The following LGSN variants were observed in gnomAD, a reference collection of about 807,000 sequenced individuals.
LGSN encodes the protein lengsin, lens protein with glutamine synthetase domain, also known as lengsin.
In LGSN, 21 loss-of-function variants were observed where a neutral mutation model predicts 19.5. The ratio of observed to expected loss-of-function variants is 1.07; its 90% CI spans 0.76 to 1.55. The LOEUF is 1.55. Among genes scored for constraint, LGSN ranks in the 40% most tolerant of loss-of-function variants. The probability of loss-of-function intolerance (pLI) is 0.00; values close to 1 mark genes in which losing one functional copy is unlikely to be tolerated. For missense variants in LGSN, 673 were observed against 608.5 expected (o/e 1.11, Z -1.12); for synonymous variants, 257 against 215.6 (o/e 1.19, Z -1.68).
the LGSN span, among the ~76,000 whole-genome samples, chr6:63,540,935 G>A: frequency 2.3e-4 from 35 of 151,194 alleles, no homozygotes; most frequent in Non-Finnish European, 3.7e-4. Flanking sequence ...CCCCGGGGGC[G>A]GAGGTTGCAG....
intron 1 of LGSN, among the ~76,000 whole-genome samples, chr6:63,308,091 A>G (rs965573720): frequency 2.6e-5 from 4 of 152,250 alleles, no homozygotes; most frequent in Non-Finnish European, 4.4e-5. Flanking sequence ...GAGCGTAAGT[A>G]CAGATATGCA....
chr6:63,331,851 G>A, the LGSN span, among the ~76,000 whole-genome samples: 5 of 152,066 alleles, frequency 3.3e-5, no homozygotes, highest in Non-Finnish European at 5.9e-5. Context: ...AAGAAAAATC[G>A]GATTTAGTGG....
At chr6:63,369,251 A>T in the LGSN span, among the ~76,000 whole-genome samples, 2 of 152,254 alleles carry the variant, frequency 1.3e-5, no homozygotes, top group Non-Finnish European at 2.9e-5. Context: ...AAGTGTAAAT[A>T]GATGTCCATT....
the LGSN span, among the ~76,000 whole-genome samples, chr6:63,406,494 A>G: frequency 6.7e-6 from 1 of 149,736 alleles, no homozygotes; most frequent in Non-Finnish European, 1.5e-5. Flanking sequence ...ACAAAGACAC[A>G]ACATACCAGA....
the LGSN span, among the ~76,000 whole-genome samples, chr6:63,479,063 C>T: frequency 1.3e-5 from 2 of 152,228 alleles, no homozygotes; most frequent in East Asian, 3.8e-4. Flanking sequence ...ACTCACTGGT[C>T]TGTCTGGAGA....
At chr6:63,446,799 C>T in the LGSN span, among the ~76,000 whole-genome samples, 2 of 152,190 alleles carry the variant, frequency 1.3e-5, no homozygotes, top group African/African-American at 4.8e-5. Context: ...CCTGTAATCC[C>T]AGCACTTTGG....
At chr6:63,436,130 A>C in the LGSN span, among the ~76,000 whole-genome samples, 1 of 152,158 alleles carries the variant, frequency 6.6e-6, no homozygotes, top group Non-Finnish European at 1.5e-5. Flanking sequence ...CACCTCATGT[A>C]AAGTAGCCCT....
chr6:63,437,273 G>C, the LGSN span, among the ~76,000 whole-genome samples: 1 of 149,776 alleles, frequency 6.7e-6, no homozygotes, highest in African/African-American at 2.5e-5. Context: ...TTTTTTTTTC[G>C]CCAAATTGTC....
At chr6:63,546,495 A>G in the LGSN span, among the ~76,000 whole-genome samples, 1 of 152,156 alleles carries the variant, frequency 6.6e-6, no homozygotes. Context: ...CACTTGAGGC[A>G]AGGAGTTCGA....
intron 2 of LGSN, among the ~76,000 whole-genome samples, chr6:63,292,158 A>G (rs1199420050): frequency 6.6e-6 from 1 of 152,216 alleles, no homozygotes; most frequent in East Asian, 1.9e-4. Flanking sequence ...TTGTAAATGT[A>G]CTGTTGCCTG....
In LGSN at chr6:63,276,858, T is replaced by C. The variant is rs1767118653; in HGVS notation, c.*3163A>G. On this transcript the variant is annotated 3_prime_UTR_variant, in exon 4 of 4. Coordinates refer to ENST00000370657, the MANE Select transcript of LGSN (RefSeq NM_016571.3). ...CAACAATAGAAAGCCTATGAACAGA[T>C]GAAAGAAATAGAAAAATAGATAACT... 1 of 152,158 alleles carries C rather than the reference T, an allele frequency of 6.6e-6. No homozygotes were observed. Among genetic ancestry groups the C allele is most frequent in the Non-Finnish European group, 1.5e-5 (1 of 68,018 alleles). 9.4% of individuals were successfully genotyped at this position (152,158 alleles called of 1,614,324 possible).
At chr6:63,505,593 G>GAAAT in the LGSN span, among the ~76,000 whole-genome samples, 22 of 127,518 alleles carry the variant, frequency 1.7e-4, no homozygotes, top group South Asian at 2.7e-4. Flanking sequence ...AAGAAAGAAA[G>GAAAT]AAAGAAAGAA....
At chr6:63,517,019 T>C in the LGSN span, among the ~76,000 whole-genome samples, 2 of 152,196 alleles carry the variant, frequency 1.3e-5, no homozygotes, top group Non-Finnish European at 2.9e-5. Flanking sequence ...TTTTGGGATA[T>C]TTATTTCTCT....
At chr6:63,533,423 A>G in the LGSN span, among the ~76,000 whole-genome samples, 1 of 152,212 alleles carries the variant, frequency 6.6e-6, no homozygotes, top group Non-Finnish European at 1.5e-5. Flanking sequence ...GTCATTAAAA[A>G]TATCTTAATT....
the LGSN span, among the ~76,000 whole-genome samples, chr6:63,393,008 T>C: frequency 1.7e-4 from 25 of 147,786 alleles, no homozygotes; most frequent in African/African-American, 6.0e-4. Flanking sequence ...TACCTCAGCC[T>C]CCCGAGTAGC....
At chr6:63,487,596 C>A in the LGSN span, among the ~76,000 whole-genome samples, 12 of 152,306 alleles carry the variant, frequency 7.9e-5, no homozygotes, top group African/African-American at 2.4e-4. Context: ...GGAGACAGAT[C>A]CTTCTATCCA....
the LGSN span, among the ~76,000 whole-genome samples, chr6:63,467,137 T>C: frequency 1.3e-5 from 2 of 152,134 alleles, no homozygotes; most frequent in Non-Finnish European, 2.9e-5. Flanking sequence ...ACTGAGAAGA[T>C]GTGCCTATAA....
the LGSN span, among the ~76,000 whole-genome samples, chr6:63,473,881 T>C: frequency 1.3e-5 from 2 of 148,534 alleles, no homozygotes; most frequent in African/African-American, 5.0e-5. Context: ...AATAATGATA[T>C]ACATCATAAT....
At chr6:63,506,949 G>C in the LGSN span, among the ~76,000 whole-genome samples, 7 of 152,124 alleles carry the variant, frequency 4.6e-5, no homozygotes, top group Non-Finnish European at 8.8e-5. Context: ...GCAATCCCAG[G>C]GAAGCAGGAG....
Sources: allele counts gnomAD v4.1 joint callset (sites outside exome capture counted in the v4.1 genomes callset), GRCh38; gene constraint gnomAD v4.1.1; transcripts MANE v1.5; gene names NCBI Gene and HGNC (gene_info 2026-07-23, HGNC 2026-07-21).